The following PDE4B variants were observed in gnomAD, a reference collection of about 807,000 sequenced individuals.
PDE4B encodes phosphodiesterase 4B.
PDE4B carries 20 observed loss-of-function variants against 82.2 expected under a neutral mutation model. The observed-to-expected ratio is 0.24, with a 90% CI of 0.17 to 0.35. The LOEUF (loss-of-function observed/expected upper bound fraction) is 0.35, where lower values mean the gene tolerates loss of function less well. Ranked by LOEUF, PDE4B falls within the 10% of genes least tolerant of loss-of-function variation. PDE4B has a pLI of 1.00. For missense variants in PDE4B, 655 were observed against 907.2 expected (o/e 0.72, Z 3.57); for synonymous variants, 320 against 318.9 (o/e 1.00, Z -0.04).
chr1:66,151,373 C>T (rs1646390856), intron 3 of PDE4B, among the ~76,000 whole-genome samples: 1 of 152,164 alleles, frequency 6.6e-6, no homozygotes, highest in Non-Finnish European at 1.5e-5. Flanking sequence ...CCTCCAGCTT[C>T]ATTCATCTCC....
intron 3 of PDE4B, among the ~76,000 whole-genome samples, chr1:66,059,163 A>G (rs1432890678): frequency 2.6e-5 from 4 of 152,176 alleles, no homozygotes; most frequent in East Asian, 1.9e-4. Context: ...CTAAAACATA[A>G]CAAGCATCAC....
intron 8 of PDE4B, among the ~76,000 whole-genome samples, chr1:66,344,476 A>T (rs1661241845): frequency 6.6e-6 from 1 of 152,122 alleles, no homozygotes; most frequent in African/African-American, 2.4e-5. Flanking sequence ...TTTTTCTTTT[A>T]CATATTTAAA....
At chr1:65,841,770 C>A (rs1029153498) in intron 1 of PDE4B, among the ~76,000 whole-genome samples, 7 of 151,972 alleles carry the variant, frequency 4.6e-5, no homozygotes, top group African/African-American at 1.7e-4. Context: ...GTGTAACATA[C>A]AAAAATTTTA....
At chr1:66,166,545 C>T (rs1646735929) in intron 3 of PDE4B, among the ~76,000 whole-genome samples, 1 of 151,944 alleles carries the variant, frequency 6.6e-6, no homozygotes, top group African/African-American at 2.4e-5. Context: ...ACAAGCCTGA[C>T]CAACATGGTG....
chr1:66,339,162 A>C (rs151203104), intron 8 of PDE4B, among the ~76,000 whole-genome samples: 231 of 152,334 alleles, frequency 1.5e-3, no homozygotes, highest in African/African-American at 5.3e-3. Flanking sequence ...ATGCTTCAGT[A>C]ATATGTAAGG....
intron 1 of PDE4B, among the ~76,000 whole-genome samples, chr1:65,899,670 A>T (rs1007862456): frequency 6.8e-6 from 1 of 147,686 alleles, no homozygotes; most frequent in East Asian, 1.9e-4. Context: ...ATTCCATTTT[A>T]TATATATATA....
chr1:65,984,424 A>C (rs1272773609), intron 3 of PDE4B, among the ~76,000 whole-genome samples: 1 of 152,202 alleles, frequency 6.6e-6, no homozygotes, highest in African/African-American at 2.4e-5. Flanking sequence ...AAGAATATCT[A>C]TGTGTGTCAA....
At chr1:65,998,578 T>C (rs1207800850) in intron 3 of PDE4B, among the ~76,000 whole-genome samples, 1 of 152,204 alleles carries the variant, frequency 6.6e-6, no homozygotes, top group Non-Finnish European at 1.5e-5. Flanking sequence ...CTTCTACTTA[T>C]TTTGTATATC....
At chr1:66,113,738 G>A (rs1191650527) in intron 3 of PDE4B, among the ~76,000 whole-genome samples, 4 of 152,114 alleles carry the variant, frequency 2.6e-5, no homozygotes, top group Non-Finnish European at 5.9e-5. Flanking sequence ...ATTCTTGTCA[G>A]TGGAGTTAGA....
intron 7 of PDE4B, among the ~76,000 whole-genome samples, chr1:66,298,230 C>T (rs905424350): frequency 1.3e-5 from 2 of 152,088 alleles, no homozygotes; most frequent in Non-Finnish European, 2.9e-5. Context: ...CTGTCTGGGG[C>T]TCTTCATTGA....
chr1:65,919,169 G>C (rs1318517933), intron 3 of PDE4B, among the ~76,000 whole-genome samples: 1 of 152,108 alleles, frequency 6.6e-6, no homozygotes, highest in East Asian at 1.9e-4. Context: ...TTTTGACTTA[G>C]AAAAACAAAT....
intron 3 of PDE4B, among the ~76,000 whole-genome samples, chr1:66,164,511 G>A (rs1646679840): frequency 9.3e-6 from 1 of 107,722 alleles, no homozygotes; most frequent in African/African-American, 3.6e-5. Flanking sequence ...ACTCCAGCCT[G>A]GACAACAGAG....
At chr1:66,220,596 T>G (rs967865748) in intron 3 of PDE4B, among the ~76,000 whole-genome samples, 26 of 152,196 alleles carry the variant, frequency 1.7e-4, no homozygotes, top group African/African-American at 6.0e-4. Context: ...GTCATTGCTC[T>G]TTTAGGTTGC....
At chr1:66,322,699 A>G (rs1278085001) in intron 7 of PDE4B, among the ~76,000 whole-genome samples, 2 of 151,732 alleles carry the variant, frequency 1.3e-5, no homozygotes, top group Non-Finnish European at 2.9e-5. Flanking sequence ...GAACGCAAAA[A>G]ATTCCTGTGT....
chr1:66,357,226 C>G (rs11208839), intron 9 of PDE4B, among the ~76,000 whole-genome samples: 1 of 152,034 alleles, frequency 6.6e-6, no homozygotes, highest in Non-Finnish European at 1.5e-5. Context: ...ATATGAAGTC[C>G]CTGAGCCCTT....
chr1:66,267,190 G>A (rs1655114265), intron 7 of PDE4B: 1 of 153,618 alleles, frequency 6.5e-6, no homozygotes, highest in Admixed American at 6.4e-5. Flanking sequence ...AAGATACTAA[G>A]TAAAGGTGAG....
intron 3 of PDE4B, among the ~76,000 whole-genome samples, chr1:66,169,544 C>T (rs1037438310): frequency 1.3e-5 from 2 of 152,152 alleles, no homozygotes; most frequent in South Asian, 2.1e-4. Context: ...AATCTGACCC[C>T]GTGTGTTAGG....
chr1:66,285,654 G>A (rs761155640), intron 7 of PDE4B, among the ~76,000 whole-genome samples: 2 of 152,068 alleles, frequency 1.3e-5, no homozygotes, highest in African/African-American at 2.4e-5. Flanking sequence ...TTCCACTCAT[G>A]TTGCTGTGAA....
At chr1:66,107,859 A>G (rs1003892740) in intron 3 of PDE4B, among the ~76,000 whole-genome samples, 39 of 152,144 alleles carry the variant, frequency 2.6e-4, no homozygotes, top group African/African-American at 9.4e-4. Flanking sequence ...ATTGATGCCA[A>G]GTATATGTCA....
Sources: gnomAD v4.1 joint callset for allele counts (sites outside exome capture counted in the v4.1 genomes callset) on GRCh38, gnomAD v4.1.1 for gene constraint, MANE v1.5 for transcripts, NCBI Gene and HGNC (gene_info 2026-07-23, HGNC 2026-07-21) for gene names.